The following ALAS1 variants were observed in gnomAD, a reference collection of about 807,000 sequenced individuals.
ALAS1 encodes 5'-aminolevulinate synthase 1.
ALAS1 carries 29 observed loss-of-function variants against 59.6 expected under a neutral mutation model. The observed-to-expected ratio is 0.49, with a 90% CI of 0.36 to 0.66. The LOEUF (loss-of-function observed/expected upper bound fraction) is 0.66, where lower values mean the gene tolerates loss of function less well. Among genes scored for constraint, ALAS1 ranks in the 30% least tolerant of loss-of-function variants. The pLI is 0.00. For synonymous variants in ALAS1, 299 were observed against 296.6 expected (o/e 1.01, Z -0.08); for missense variants, 690 against 807.5 (o/e 0.85, Z 1.76).
intron 8 of ALAS1, among the ~76,000 whole-genome samples, 180 bp from the exon 9 acceptor site, chr3:52,207,903 A>C (rs184338746): frequency 4.6e-5 from 7 of 152,336 alleles, no homozygotes; most frequent in Non-Finnish European, 2.9e-5. Context: ...TGGATTTTCT[A>C]TTCTGGCTTT....
chr3:52,206,114 C>G (rs1438254022), intron 7 of ALAS1, 91 bp downstream of exon 7: 4 of 1,219,012 alleles, frequency 3.3e-6, no homozygotes, highest in Admixed American at 5.0e-5. Context: ...ACCAGAACCT[C>G]TCAATTGAAA....
chr3:52,203,399 G>A (rs947420657), intron 4 of ALAS1, among the ~76,000 whole-genome samples: 1 of 152,118 alleles, frequency 6.6e-6, no homozygotes, highest in African/African-American at 2.4e-5. Flanking sequence ...AGATTAGCTG[G>A]GCATGATGGC....
In ALAS1 at chr3:52,199,325, C is replaced by A. The variant is rs750459005; in HGVS notation, c.84C>A (p.Phe28Leu). The change falls in exon 3 of 12, where the codon TTC (phenylalanine) becomes TTA (leucine). Residue 28 changes from phenylalanine (F) to leucine (L), a missense_variant. Transcript: ENST00000484952. ...FLQKAGKSLL[F>L]YAQNCPKMME... ...AGAAAGCAGGCAAATCTCTGTTGTT[C>A]TATGCCCAAAACTGCCCCAAGATGA... is the stretch of plus-strand genomic sequence containing the variant. The A allele has an allele frequency of 4.3e-6, 7 of 1,614,090 alleles. No individual in the cohort carries two copies. In the South Asian group the frequency reaches 7.7e-5, roughly 18 times the overall value.
upstream of ALAS1, chr3:52,198,105 C>T (rs1699104103): frequency 2.5e-6 from 1 of 398,014 alleles, no homozygotes; most frequent in Admixed American, 4.4e-5. Flanking sequence ...GCGCCCAAGG[C>T]GCATGCGCAG....
rs777502828 is a variant in ALAS1, at chr3:52,206,698, C to G, written c.1112C>G (p.Ser371Cys). 6.2e-7 allele frequency: 1 copy of G among 1,614,228 alleles called. No individual in the cohort carries two copies. The highest frequency in any genetic ancestry group is 8.5e-7 in the Non-Finnish European group (1 of 1,180,046). The change falls in exon 8 of 12, where the codon TCT becomes TGT. Residue 371 changes from serine to cysteine, a missense_variant. Coordinates refer to ENST00000484952, the MANE Select transcript of ALAS1 (RefSeq NM_000688.6). ...CACCTCAGAGAACTGCTGCAAAGAT[C>G]TGACCCCTCAGTCCCCAAGATTGTG... ...VSHLRELLQR[S>C]DPSVPKIVAF...
intron 8 of ALAS1, among the ~76,000 whole-genome samples, chr3:52,207,813 C>CT (rs1243001904): frequency 6.6e-6 from 1 of 152,136 alleles, no homozygotes; most frequent in African/African-American, 2.4e-5. Flanking sequence ...TGGTCTCATT[C>CT]TTTTTTTATT....
rs979637214 is a variant in ALAS1, at chr3:52,198,758, G to C, written c.-123G>C. On this transcript the variant is annotated 5_prime_UTR_variant, in exon 2 of 12. Coordinates refer to ENST00000484952, the MANE Select transcript of ALAS1 (RefSeq NM_000688.6). ...CGGGACCCTGCTGGACCCCTTCCTC[G>C]GGTTTAGGGGATGTGGGGACCAGGA... 4 of 1,518,062 alleles carry C rather than the reference G, an allele frequency of 2.6e-6. No individual in the cohort carries two copies. The highest frequency in any genetic ancestry group is 2.4e-5 in the South Asian group (2 of 83,712). 94.0% of individuals were successfully genotyped at this position (1,518,062 alleles called of 1,614,324 possible).
chr3:52,210,144 C>T (rs1699376300), intron 9 of ALAS1, among the ~76,000 whole-genome samples: 2 of 152,180 alleles, frequency 1.3e-5, no homozygotes, highest in Non-Finnish European at 2.9e-5. Context: ...CAGTTAATGC[C>T]TTAGCTGGGT....
intron 9 of ALAS1, among the ~76,000 whole-genome samples, chr3:52,210,980 A>G (rs1165017056): frequency 6.6e-6 from 1 of 152,148 alleles, no homozygotes; most frequent in African/African-American, 2.4e-5. Flanking sequence ...GCAAACCTGT[A>G]CAACATGTTA....
chr3:52,211,685 C>T, intron 10 of ALAS1, 134 bp downstream of exon 10: 3 of 1,295,932 alleles, frequency 2.3e-6, no homozygotes, highest in African/African-American at 2.9e-5. Flanking sequence ...AGCCAGCCAC[C>T]CTCTGTCATG....
At chr3:52,204,581 A>G in intron 5 of ALAS1, 112 bp from the exon 6 acceptor site, 1 of 836,472 alleles carries the variant, frequency 1.2e-6, no homozygotes. Flanking sequence ...AGGACATCAA[A>G]TAACCTGCCC....
rs778599796 is a variant in ALAS1 at position 52,212,369 on chromosome 3, C to T, written c.1711C>T (p.Arg571Trp). Residue 571 changes from arginine (R) to tryptophan (W), a missense_variant, in exon 11 of 12, where the codon CGG becomes TGG. Physicochemically the swap from Arg to Trp is moderately radical, Grantham distance 101 (BLOSUM62 -3). Coordinates refer to ENST00000484952, the MANE Select transcript of ALAS1 (RefSeq NM_000688.6). ...GGTGCCCCGGGGAGAAGAGCTCCTA[C>T]GGATTGCCCCCACCCCTCACCACAC... ...PTVPRGEELL[R>W]IAPTPHHTPQ... 13 of 1,613,980 alleles carry T rather than the reference C, an allele frequency of 8.1e-6. No individual in the cohort carries two copies. Among genetic ancestry groups the T allele is most frequent in the Admixed American group, 1.7e-5 (1 of 60,006 alleles).
chr3:52,206,271 T>C (rs1008325153), intron 7 of ALAS1, among the ~76,000 whole-genome samples: 3 of 152,216 alleles, frequency 2.0e-5, no homozygotes, highest in African/African-American at 7.2e-5. Context: ...TGTTTTGTAT[T>C]CTAAGATGAT....
intron 3 of ALAS1, 65 bp downstream of exon 3, chr3:52,199,505 G>A (rs1699143361): frequency 6.7e-7 from 1 of 1,482,320 alleles, no homozygotes; most frequent in Non-Finnish European, 9.3e-7. Context: ...ACTAGAAGCA[G>A]TCCCCACAGT....
Position 52,206,561 on chromosome 3 carries a change from T to C in ALAS1, c.986-11T>C, listed in dbSNP as rs1166221042. The C allele has an allele frequency of 1.9e-6, 3 of 1,609,140 alleles. No individual in the cohort carries two copies. Among genetic ancestry groups the C allele is most frequent in the Admixed American group, 1.7e-5 (1 of 59,300 alleles). ...TGCACATGGCAATAAATAGCATTTT[T>C]GTTGTCTTAGGCTGTGAGATTTACT... is the stretch of plus-strand genomic sequence containing the variant. On this transcript the variant is annotated splice_polypyrimidine_tract_variant and intron_variant, in intron 7 of 11. Coordinates refer to ENST00000484952, the MANE Select transcript of ALAS1 (RefSeq NM_000688.6).
At chr3:52,212,742 G>A (rs1699438351) in intron 11 of ALAS1, among the ~76,000 whole-genome samples, 1 of 152,086 alleles carries the variant, frequency 6.6e-6, no homozygotes, top group African/African-American at 2.4e-5. Flanking sequence ...TGTTGGTCAG[G>A]CTGGTCTCGA....
intron 5 of ALAS1, 119 bp downstream of exon 5, chr3:52,204,131 C>G (rs1699247022): frequency 9.4e-7 from 1 of 1,063,082 alleles, no homozygotes; most frequent in African/African-American, 1.6e-5. Context: ...GTAATCCCAG[C>G]ACTTTGGGAG....
At chr3:52,203,604 C>T (rs1315753910) in intron 4 of ALAS1, among the ~76,000 whole-genome samples, 3 of 151,492 alleles carry the variant, frequency 2.0e-5, no homozygotes, top group Admixed American at 1.3e-4. Context: ...GTGAATAAGA[C>T]ATGCCAACCA....
chr3:52,211,629 T>G (rs1157411585), intron 10 of ALAS1, 78 bp downstream of exon 10: 1 of 1,562,614 alleles, frequency 6.4e-7, no homozygotes, highest in Non-Finnish European at 8.7e-7. Flanking sequence ...CTTCATACCT[T>G]CCTGAAGTTG....
Sources: allele counts gnomAD v4.1 joint callset (sites outside exome capture counted in the v4.1 genomes callset), GRCh38; gene constraint gnomAD v4.1.1; transcripts MANE v1.5; gene names NCBI Gene and HGNC (gene_info 2026-07-23, HGNC 2026-07-21).